The following USP39 variants were observed in gnomAD, a reference collection of about 807,000 sequenced individuals.
USP39 encodes ubiquitin carboxyl-terminal hydrolase 39.
USP39 carries 38 observed loss-of-function variants against 66.4 expected under a neutral mutation model. That is an observed-to-expected ratio of 0.57 (90% CI 0.44 to 0.75). The LOEUF is 0.75. USP39 is among the 30% of genes least tolerant of loss of function. USP39 has a pLI of 0.00. For missense variants in USP39, 608 were observed against 714.4 expected, an observed-to-expected ratio of 0.85 and a Z score of 1.70; for synonymous variants, 303 against 274.6, an observed-to-expected ratio of 1.10 and a Z score of -1.02.
chr2:85,612,963 T>C (rs775216613), upstream of USP39, among the ~76,000 whole-genome samples: 59 of 48,066 alleles, frequency 1.2e-3, no homozygotes, highest in African/African-American at 7.4e-3. Flanking sequence ...GCCCGGCCCC[T>C]TTTTTTTTTT....
At chr2:85,646,078 C>G (rs558290201) in intron 11 of USP39, 1 of 152,340 alleles carries the variant, frequency 6.6e-6, no homozygotes, top group East Asian at 1.9e-4. Context: ...GTTAGAAATG[C>G]AGACTCTCAG....
At position 85,627,628 on chromosome 2, in the gene USP39, TA is replaced by T. The variant is rs758659994; in HGVS notation, c.723+1954del. 5.9e-3 allele frequency among the ~76,000 whole-genome samples: 818 copies of T among 138,954 alleles called. 2 individuals carry two copies. The highest frequency in any genetic ancestry group is 0.015 in the Middle Eastern group (4 of 270). The allele number at this position is 138,954 out of a possible 152,430, so 91.2% of individuals were successfully genotyped here. On this transcript the variant is annotated intron_variant, in intron 5 of 12. Coordinates refer to ENST00000323701, the MANE Select transcript of USP39 (RefSeq NM_006590.4). Reference sequence around the variant, plus strand: ...AACATAGCGAGACCCTGTCTCTATTTAAAAAAAAAAAAAAAAATTAGCTGGG... The same window carrying T: ...AACATAGCGAGACCCTGTCTCTATTTAAAAAAAAAAAAAAAATTAGCTGGG...
upstream of USP39, chr2:85,609,070 A>G (rs1457976427): frequency 1.2e-6 from 2 of 1,614,044 alleles, no homozygotes; most frequent in Admixed American, 3.3e-5. Context: ...TCATCACCCT[A>G]CGTGGAGGAA....
intron 5 of USP39, among the ~76,000 whole-genome samples, chr2:85,629,977 A>G (rs1009416896): frequency 6.6e-6 from 1 of 152,018 alleles, no homozygotes. Context: ...ATAAAAAAAA[A>G]ATTTCAGTAG....
At chr2:85,642,574 C>T (rs983046891) in intron 10 of USP39, among the ~76,000 whole-genome samples, 1 of 152,214 alleles carries the variant, frequency 6.6e-6, no homozygotes, top group Admixed American at 6.5e-5. Flanking sequence ...CTTCAGAAAG[C>T]TTACTTCGGA....
chr2:85,616,645 C>T (rs1573389102), intron 1 of USP39, among the ~76,000 whole-genome samples, 182 bp downstream of exon 1: 1 of 151,330 alleles, frequency 6.6e-6, no homozygotes, highest in South Asian at 2.1e-4. Context: ...GAAGACAGTA[C>T]CCTTCTCAAT....
intron 6 of USP39, among the ~76,000 whole-genome samples, chr2:85,635,327 A>T (rs113105993): frequency 0.059 from 8,915 of 152,274 alleles, 379 homozygotes; most frequent in Non-Finnish European, 0.094. Flanking sequence ...TGGGAGGCTG[A>T]GGCGGGAGGA....
At chr2:85,604,058 A>T (rs754375040) in intron 1 of USP39, among the ~76,000 whole-genome samples, 11 of 152,172 alleles carry the variant, frequency 7.2e-5, no homozygotes, top group Non-Finnish European at 1.0e-4. Flanking sequence ...TGGGGAGCTG[A>T]AGTTTGGCAA....
intron 6 of USP39, among the ~76,000 whole-genome samples, chr2:85,633,954 C>T (rs1675568492): frequency 6.8e-6 from 1 of 147,270 alleles, no homozygotes; most frequent in Non-Finnish European, 1.5e-5. Context: ...TCTCCTGCCT[C>T]AGCCTCCCAA....
upstream of USP39, among the ~76,000 whole-genome samples, chr2:85,612,962 C>CTT (rs374731788): frequency 2.3e-4 from 34 of 144,774 alleles, no homozygotes; most frequent in South Asian, 6.5e-4. Context: ...TGCCCGGCCC[C>CTT]TTTTTTTTTT....
chr2:85,611,413 G>A (rs1396503767), upstream of USP39: 6 of 1,505,382 alleles, frequency 4.0e-6, no homozygotes, highest in Admixed American at 1.1e-4. Context: ...ACAGCACGGT[G>A]GGGCAAACCG....
chr2:85,628,463 G>A (rs1212240671), intron 5 of USP39, among the ~76,000 whole-genome samples: 1 of 152,106 alleles, frequency 6.6e-6, no homozygotes, highest in Non-Finnish European at 1.5e-5. Context: ...ACCATTATAG[G>A]ATGGACAGAT....
At chr2:85,611,081 A>C (rs542206514), upstream of USP39, 2 of 233,094 alleles carry the variant, frequency 8.6e-6, no homozygotes, top group Non-Finnish European at 1.5e-5. Context: ...TCTCTACAAG[A>C]AATACCAAAA....
chr2:85,634,931 G>C (rs1300575286), intron 6 of USP39, among the ~76,000 whole-genome samples: 1 of 152,124 alleles, frequency 6.6e-6, no homozygotes, highest in East Asian at 1.9e-4. Context: ...AAAAACCAGG[G>C]TACCCTGAGA....
upstream of USP39, chr2:85,609,003 C>CAGAG (rs1673330170): frequency 6.2e-7 from 1 of 1,614,112 alleles, no homozygotes. Context: ...GAGGGCTTCT[C>CAGAG]GCATGGGTGG....
At chr2:85,638,737 G>A (rs187019005) in intron 8 of USP39, among the ~76,000 whole-genome samples, 1 of 151,380 alleles carries the variant, frequency 6.6e-6, no homozygotes, top group Non-Finnish European at 1.5e-5. Flanking sequence ...GGGTTTCTCC[G>A]TGTTGGTCAC....
Position 85,647,983 on chromosome 2 carries a change from C to T in USP39, c.1617C>T (p.Pro539=), listed in dbSNP as rs749490585. 6.2e-6 allele frequency: 10 copies of T among 1,614,012 alleles called. No homozygotes were observed. The highest frequency in any genetic ancestry group is 8.5e-6 in the Non-Finnish European group (10 of 1,180,026). The change falls in exon 12 of 13, where the codon CCC becomes CCT. Residue 539 remains proline, a synonymous_variant. Transcript: ENST00000323701. ...ACCTCCAGGTGACTGACATCCTTCC[C>T]CAGATGATCACACTGTCAGAGGCTT... ...LQDLQVTDIL[P]QMITLSEAYI...
At position 85,639,301 on chromosome 2, in the gene USP39, C is replaced by G. The variant is rs541428335; in HGVS notation, c.1194C>G (p.Ala398=). 1.2e-6 allele frequency: 2 copies of G among 1,613,944 alleles called. No individual in the cohort carries two copies. Among genetic ancestry groups the G allele is most frequent in the Non-Finnish European group, 1.7e-6 (2 of 1,180,040 alleles). The change falls in exon 9 of 13, where the codon GCC becomes GCG. Residue 398 remains alanine, a synonymous_variant. Transcript: ENST00000323701. Reference sequence around the variant, plus strand: ...ACCTGACGCTGGACCTTCCTACTGCCCCCCTCTACAAGGACGAGAAGGAGC... The same window carrying G: ...ACCTGACGCTGGACCTTCCTACTGCGCCCCTCTACAAGGACGAGAAGGAGC... ...FMYLTLDLPT[A]PLYKDEKEQL...
chr2:85,643,990 C>T (rs796984044), intron 10 of USP39, among the ~76,000 whole-genome samples: 9 of 152,316 alleles, frequency 5.9e-5, no homozygotes, highest in African/African-American at 2.2e-4. Flanking sequence ...TGCAGTCTGA[C>T]TGCATCATAT....
Sources: gnomAD v4.1 joint callset for allele counts (sites outside exome capture counted in the v4.1 genomes callset) on GRCh38, gnomAD v4.1.1 for gene constraint, MANE v1.5 for transcripts, NCBI Gene and HGNC (gene_info 2026-07-23, HGNC 2026-07-21) for gene names.